Variants in PHLPP1 observed in about 807,000 individuals in gnomAD.
PHLPP1 encodes the protein PH domain and leucine rich repeat protein phosphatase 1.
In PHLPP1, 42 loss-of-function variants were observed where a neutral mutation model predicts 117.2. That is an observed-to-expected ratio of 0.36 (90% CI 0.28 to 0.46). PHLPP1 has a LOEUF of 0.46. Ranked by LOEUF, PHLPP1 falls within the 20% of genes least tolerant of loss-of-function variation. The pLI, the probability that PHLPP1 is intolerant of heterozygous loss-of-function variation, is 1.00. For synonymous variants in PHLPP1, 1,042 were observed against 970.7 expected (o/e 1.07, Z -1.37); for missense variants, 2,084 against 2,241.9 (o/e 0.93, Z 1.42).
At chr18:62,787,893 TC>T (rs759394925) in intron 1 of PHLPP1, among the ~76,000 whole-genome samples, 37 of 152,314 alleles carry the variant, frequency 2.4e-4, no homozygotes, top group Admixed American at 1.2e-3. Flanking sequence ...GTGTGGGTAA[TC>T]CAGTGGGTTG....
At chr18:62,775,714 CAGTAAACTGTCATTTGA>C (rs1281838576) in intron 1 of PHLPP1, among the ~76,000 whole-genome samples, 7 of 152,134 alleles carry the variant, frequency 4.6e-5, no homozygotes, top group Non-Finnish European at 8.8e-5. Context: ...AATTTATATA[CAGTAAACTGTCATTTGA>C]AGTATATAAT....
At chr18:62,740,560 A>G (rs941866059) in intron 1 of PHLPP1, among the ~76,000 whole-genome samples, 2 of 152,272 alleles carry the variant, frequency 1.3e-5, no homozygotes, top group African/African-American at 4.8e-5. Context: ...CTATCATGGA[A>G]ATCTTGTTAA....
intron 1 of PHLPP1, among the ~76,000 whole-genome samples, chr18:62,775,136 C>T (rs1193100796): frequency 6.6e-6 from 1 of 152,122 alleles, no homozygotes; most frequent in African/African-American, 2.4e-5. Flanking sequence ...CTCATTCTGT[C>T]ATCCAGGCTG....
intron 15 of PHLPP1, among the ~76,000 whole-genome samples, chr18:62,973,303 G>A (rs769999557): frequency 5.9e-5 from 9 of 152,244 alleles, no homozygotes; most frequent in Admixed American, 3.9e-4. Context: ...TTAGGTTGCT[G>A]TAGAAATTGT....
intron 1 of PHLPP1, among the ~76,000 whole-genome samples, chr18:62,734,209 T>A (rs139934175): frequency 1.8e-3 from 276 of 152,320 alleles, no homozygotes; most frequent in African/African-American, 6.5e-3. Flanking sequence ...GGAGGTACTT[T>A]TTTTTAGTTT....
At chr18:62,834,552 G>A (rs545876622) in intron 2 of PHLPP1, among the ~76,000 whole-genome samples, 1 of 152,188 alleles carries the variant, frequency 6.6e-6, no homozygotes, top group Admixed American at 6.5e-5. Context: ...CTGGGCTCTG[G>A]GACATACACA....
intron 2 of PHLPP1, among the ~76,000 whole-genome samples, chr18:62,830,943 C>T (rs191938393): frequency 3.9e-4 from 59 of 152,208 alleles, no homozygotes; most frequent in African/African-American, 1.2e-3. Context: ...AGTCTTTGAC[C>T]ACATTTTCCC....
chr18:62,903,378 T>C (rs1006802421), intron 7 of PHLPP1, among the ~76,000 whole-genome samples: 3 of 152,204 alleles, frequency 2.0e-5, no homozygotes, highest in African/African-American at 7.2e-5. Context: ...TCTCGTATTG[T>C]GATTTGGATA....
At chr18:62,848,024 G>C (rs1336078155) in intron 3 of PHLPP1, among the ~76,000 whole-genome samples, 1 of 152,220 alleles carries the variant, frequency 6.6e-6, no homozygotes, top group Non-Finnish European at 1.5e-5. Flanking sequence ...ATTTTCAGCA[G>C]AAGTATCCCT....
chr18:62,792,591 C>A (rs967157583), intron 1 of PHLPP1, among the ~76,000 whole-genome samples: 13 of 152,086 alleles, frequency 8.5e-5, no homozygotes, highest in African/African-American at 3.1e-4. Flanking sequence ...TGTTTCTAAG[C>A]CAGATGTGGT....
intron 3 of PHLPP1, among the ~76,000 whole-genome samples, chr18:62,846,875 C>G (rs1377631715): frequency 6.6e-6 from 1 of 152,184 alleles, no homozygotes; most frequent in Admixed American, 6.5e-5. Context: ...TATGCTTCAT[C>G]TATACCTGTC....
chr18:62,850,456 G>A lies in PHLPP1; in HGVS notation c.1900-9979G>A, dbSNP rs146135312. Among the ~76,000 whole-genome samples, 880 of 152,184 alleles carry A rather than the reference G, an allele frequency of 5.8e-3. 8 individuals are homozygous for A. The highest frequency in any genetic ancestry group is 9.2e-3 in the Non-Finnish European group (623 of 67,998). On this transcript the variant is annotated intron_variant, in intron 3 of 16. Transcript: ENST00000262719. ...ACCACTTGAATAGTATTTGTATTAT[G>A]TATTTTAATAGAAAGCTAGAGTGTA... is the stretch of plus-strand genomic sequence containing the variant.
rs543505741 is a variant in PHLPP1 at position 62,800,869 on chromosome 18, C to G, written c.1577-29166C>G. On this transcript the variant is annotated intron_variant, in intron 1 of 16. Coordinates refer to ENST00000262719, the MANE Select transcript of PHLPP1 (RefSeq NM_194449.4). ...ACTCAATCTTTAGGGGTAAGAATCTCTTGTCACTGTTGGTGGAGGAGACAT... is the reference window on the plus strand; with the variant it reads ...ACTCAATCTTTAGGGGTAAGAATCTGTTGTCACTGTTGGTGGAGGAGACAT... Among the ~76,000 whole-genome samples the G allele has an allele frequency of 2.6e-5, 4 of 152,192 alleles. No individual in the cohort carries two copies. The South Asian group carries it at 8.3e-4, about 32-fold the overall frequency.
At chr18:62,845,901 C>G (rs1915167761) in intron 3 of PHLPP1, among the ~76,000 whole-genome samples, 1 of 152,102 alleles carries the variant, frequency 6.6e-6, no homozygotes, top group African/African-American at 2.4e-5. Context: ...ATCTAACAAG[C>G]CTACCATAGA....
At chr18:62,837,471 T>G (rs1008558286) in intron 2 of PHLPP1, among the ~76,000 whole-genome samples, 3 of 152,180 alleles carry the variant, frequency 2.0e-5, no homozygotes, top group Admixed American at 6.5e-5. Context: ...TCTGCTCTCT[T>G]TTTCTTGCCA....
rs1221373232 is a variant in PHLPP1, at chr18:62,821,911, A to G, written c.1577-8124A>G. On this transcript the variant is annotated intron_variant, in intron 1 of 16. Coordinates refer to ENST00000262719, the MANE Select transcript of PHLPP1 (RefSeq NM_194449.4). ...GTAGCTGGGATTACAGGCGCATGCC[A>G]CTATGCCCATCTCTACAAAAAAAAA... 2.6e-5 allele frequency among the ~76,000 whole-genome samples: 4 copies of G among 152,154 alleles called. No homozygotes were observed. In the East Asian group the frequency reaches 7.7e-4, roughly 29 times the overall value.
At chr18:62,726,390 G>T (rs974678687) in intron 1 of PHLPP1, among the ~76,000 whole-genome samples, 24 of 151,686 alleles carry the variant, frequency 1.6e-4, no homozygotes, top group African/African-American at 5.6e-4. Flanking sequence ...ACATAGAGAA[G>T]CTAGTTTTGT....
At chr18:62,824,658 A>G in intron 1 of PHLPP1, among the ~76,000 whole-genome samples, 1 of 152,186 alleles carries the variant, frequency 6.6e-6, no homozygotes. Context: ...AAAGTGGAAG[A>G]TTTTTAAAAG....
chr18:62,755,756 C>A (rs971172759), intron 1 of PHLPP1, among the ~76,000 whole-genome samples: 1 of 152,094 alleles, frequency 6.6e-6, no homozygotes, highest in Non-Finnish European at 1.5e-5. Flanking sequence ...CCCAAACAGA[C>A]TAAGACAGAT....
Sources: allele counts gnomAD v4.1 joint callset (sites outside exome capture counted in the v4.1 genomes callset), GRCh38; gene constraint gnomAD v4.1.1; transcripts MANE v1.5; gene names NCBI Gene and HGNC (gene_info 2026-07-23, HGNC 2026-07-21).